The following C4orf51 variants were observed in gnomAD, a reference collection of about 807,000 sequenced individuals.
C4orf51 encodes the protein uncharacterized protein C4orf51.
Under a neutral mutation model 25.2 loss-of-function variants are expected in C4orf51, and 25 were observed. The ratio of observed to expected loss-of-function variants is 0.99; its 90% confidence interval spans 0.72 to 1.39. C4orf51 has a LOEUF of 1.39. Ranked by LOEUF, C4orf51 falls within the 40% of genes most tolerant of loss-of-function variation. The pLI is 0.00. For synonymous variants in C4orf51, 100 were observed against 84.5 expected (o/e 1.18, Z -1.01); for missense variants, 252 against 239.6 (o/e 1.05, Z -0.34).
chr4:145,703,091 C>G (rs1359804490), intron 2 of C4orf51, among the ~76,000 whole-genome samples: 2 of 151,766 alleles, frequency 1.3e-5, no homozygotes, highest in Non-Finnish European at 2.9e-5. Context: ...GCCATCACAT[C>G]CCCTGTGACT....
rs556661581 is a variant in C4orf51, at chr4:145,716,859, G to C, written c.308-10052G>C. Among the ~76,000 whole-genome samples the C allele has an allele frequency of 8.2e-4, 125 of 152,318 alleles. No individual in the cohort carries two copies. The Middle Eastern group carries it at 0.01, about 12-fold the overall frequency. ...GGTTTTATGTGTTCCTCTGTGGTTT[G>C]TTGAAGCAAGAGGAGAGGACAGCTA... On this transcript the variant is annotated intron_variant, in intron 2 of 5. Coordinates refer to ENST00000438731, the MANE Select transcript of C4orf51 (RefSeq NM_001080531.3).
At chr4:145,726,868 A>C in intron 2 of C4orf51, 43 bp from the exon 3 acceptor site, 1 of 1,504,472 alleles carries the variant, frequency 6.6e-7, no homozygotes, top group Non-Finnish European at 9.2e-7. Context: ...TTTTATTCTA[A>C]CTCTGCATTT....
chr4:145,706,409 G>T (rs1193270866), intron 2 of C4orf51, among the ~76,000 whole-genome samples: 2 of 152,036 alleles, frequency 1.3e-5, no homozygotes, highest in Non-Finnish European at 2.9e-5. Flanking sequence ...TCCTCTTGTG[G>T]TCTCAAGATA....
In C4orf51 at chr4:145,761,849, T is replaced by TA. The variant is rs1196228884; in HGVS notation, n.167-9138dup. On this transcript the variant is annotated intron_variant and non_coding_transcript_variant, in intron 1 of 1. Coordinates refer to the C4orf51 transcript ENST00000510096. The surrounding 1 kb of genome is among the most constrained non-coding windows in gnomAD (Gnocchi z 6.8). ...AGCCTATTCTGGGTCTCTTGGCCGATACAGGCAAGGCCAGCCCTCACCAAG... is the reference window on the plus strand; with the variant it reads ...AGCCTATTCTGGGTCTCTTGGCCGATAACAGGCAAGGCCAGCCCTCACCAAG... Among the ~76,000 whole-genome samples the TA allele has an allele frequency of 6.6e-6, 1 of 152,174 alleles. No homozygotes were observed. The highest frequency in any genetic ancestry group is 1.5e-5 in the Non-Finnish European group (1 of 68,028).
intron 1 of C4orf51, among the ~76,000 whole-genome samples, chr4:145,768,623 G>C (rs1431319230): frequency 6.6e-6 from 1 of 151,516 alleles, no homozygotes; most frequent in African/African-American, 2.4e-5. Flanking sequence ...TAGGGAGACT[G>C]TTCTCCAATT....
chr4:145,717,699 C>T (rs576556962), intron 2 of C4orf51, among the ~76,000 whole-genome samples: 9 of 152,318 alleles, frequency 5.9e-5, no homozygotes, highest in African/African-American at 2.2e-4. Context: ...GAAAGGTTCT[C>T]AAATTCCTTT....
intron 2 of C4orf51, among the ~76,000 whole-genome samples, chr4:145,703,087 A>G (rs752896180): frequency 2.0e-5 from 3 of 151,224 alleles, no homozygotes; most frequent in African/African-American, 4.9e-5. Flanking sequence ...CCAAGCCATC[A>G]CATCCCCTGT....
chr4:145,785,721 T>C, the C4orf51 span, among the ~76,000 whole-genome samples: 1 of 152,196 alleles, frequency 6.6e-6, no homozygotes. Context: ...GGCTAGTGAC[T>C]CTGGGAGAGC....
chr4:145,683,545 G>A (rs745647673), intron 1 of C4orf51, among the ~76,000 whole-genome samples: 38 of 152,188 alleles, frequency 2.5e-4, no homozygotes, highest in Admixed American at 2.0e-4. Context: ...GTATTGGTGA[G>A]AGAACAGATC....
At chr4:145,705,187 C>T (rs930370996) in intron 2 of C4orf51, among the ~76,000 whole-genome samples, 1 of 152,208 alleles carries the variant, frequency 6.6e-6, no homozygotes, top group Non-Finnish European at 1.5e-5. Flanking sequence ...TTAAATTCCA[C>T]AATTTTGCCT....
intron 1 of C4orf51, among the ~76,000 whole-genome samples, chr4:145,749,494 T>C (rs1733557963): frequency 6.6e-6 from 1 of 152,114 alleles, no homozygotes; most frequent in African/African-American, 2.4e-5. Flanking sequence ...TTTTTTTTCA[T>C]TCCTGTCTTC....
chr4:145,751,847 G>A lies in C4orf51; in HGVS notation n.168-2360G>A, dbSNP rs113195300. Among the ~76,000 whole-genome samples, 242 of 152,298 alleles carry A rather than the reference G, an allele frequency of 1.6e-3. 1 individual carries two copies. Among genetic ancestry groups the A allele is most frequent in the African/African-American group, 5.5e-3 (228 of 41,564 alleles). On this transcript the variant is annotated intron_variant and non_coding_transcript_variant, in intron 1 of 1. Transcript: ENST00000508981. The stretch of plus-strand genomic sequence containing the variant: ...CTACTGTGGCTAAGCTGGTGCTCAA[G>A]CCACAAAACAAAGTCCTTCCCACTT...
the C4orf51 span, among the ~76,000 whole-genome samples, chr4:145,781,396 A>T: frequency 6.6e-6 from 1 of 152,214 alleles, no homozygotes; most frequent in South Asian, 2.1e-4. Context: ...CAGATAGGGA[A>T]GAAGAAACAA....
intron 1 of C4orf51, among the ~76,000 whole-genome samples, chr4:145,766,719 A>G (rs552532815): frequency 9.2e-5 from 14 of 152,334 alleles, no homozygotes; most frequent in African/African-American, 3.4e-4. Flanking sequence ...TTGGAGGGGG[A>G]AAAGCCACCT....
intron 2 of C4orf51, among the ~76,000 whole-genome samples, chr4:145,722,681 G>T (rs1249564005): frequency 6.6e-6 from 1 of 152,142 alleles, no homozygotes; most frequent in East Asian, 1.9e-4. Context: ...CATAAAAATT[G>T]TACCAGTCCA....
rs1560894587 is a variant in C4orf51, at chr4:145,768,901, AT to A, written n.167-2086del. 1.1e-3 allele frequency among the ~76,000 whole-genome samples: 29 copies of A among 26,452 alleles called. 2 individuals carry two copies. Among genetic ancestry groups the A allele is most frequent in the African/African-American group, 3.0e-3 (28 of 9,294 alleles). 17.4% of individuals were successfully genotyped at this position (26,452 alleles called of 152,430 possible). A position where few individuals can be genotyped will look rare whatever the true frequency, so the allele number is the denominator to read the frequency against. On this transcript the variant is annotated intron_variant and non_coding_transcript_variant, in intron 1 of 1. Transcript: ENST00000510096. ...AAAAAAAAAAAAAAAATATATATAT[AT>A]ATATATATATATATTAGGTATACAA... is the stretch of plus-strand genomic sequence containing the variant.
At chr4:145,754,996 A>G (rs76111601), downstream of C4orf51, among the ~76,000 whole-genome samples, 4,610 of 152,206 alleles carry the variant, frequency 0.03, 223 homozygotes, top group African/African-American at 0.1. Context: ...GAGCAGAAAA[A>G]TCTTTTTAGT....
intron 2 of C4orf51, among the ~76,000 whole-genome samples, chr4:145,721,138 A>G (rs541433576): frequency 2.2e-4 from 34 of 151,904 alleles, no homozygotes; most frequent in Non-Finnish European, 2.9e-4. Context: ...CAAGGTCAGG[A>G]GTTTGAGACC....
intron 1 of C4orf51, among the ~76,000 whole-genome samples, chr4:145,751,203 A>T (rs775618338): frequency 6.6e-6 from 1 of 152,048 alleles, no homozygotes; most frequent in Non-Finnish European, 1.5e-5. Flanking sequence ...ATGCTTGAGG[A>T]TGTTCAACAA....
Sources: gnomAD v4.1 joint callset for allele counts (sites outside exome capture counted in the v4.1 genomes callset) on GRCh38, gnomAD v4.1.1 for gene constraint, Gnocchi (gnomAD v3.1) non-coding constraint, MANE v1.5 for transcripts, NCBI Gene and HGNC (gene_info 2026-07-23, HGNC 2026-07-21) for gene names.